Variants in THSD7B observed in about 807,000 individuals in gnomAD.
The protein encoded by THSD7B is thrombospondin type-1 domain-containing protein 7B.
A neutral mutation model predicts 213.6 loss-of-function variants in THSD7B; 138 were observed. The observed-to-expected ratio is 0.65, with a 90% CI of 0.56 to 0.74. The LOEUF (loss-of-function observed/expected upper bound fraction) is 0.74, where lower values mean the gene tolerates loss of function less well. Ranked by LOEUF, THSD7B falls within the 30% of genes least tolerant of loss-of-function variation. The pLI, the probability that THSD7B is intolerant of heterozygous loss-of-function variation, is 0.00. For missense variants in THSD7B, 1,931 were observed against 1,991.5 expected, an observed-to-expected ratio of 0.97 and a Z score of 0.58; for synonymous variants, 742 against 687.0, an observed-to-expected ratio of 1.08 and a Z score of -1.25.
At chr2:137,654,711 A>T (rs1683203213) in intron 21 of THSD7B, among the ~76,000 whole-genome samples, 4 of 152,112 alleles carry the variant, frequency 2.6e-5, no homozygotes, top group Admixed American at 2.6e-4. Context: ...GAGCTCTGAG[A>T]TATGGCTGAT....
intron 3 of THSD7B, among the ~76,000 whole-genome samples, chr2:137,066,497 T>A (rs1408024963): frequency 6.6e-6 from 1 of 152,022 alleles, no homozygotes; most frequent in South Asian, 2.1e-4. Context: ...ACTGGCTAGG[T>A]TTTTGCTTTC....
chr2:137,290,317 C>A (rs965178958), intron 12 of THSD7B, among the ~76,000 whole-genome samples: 2 of 152,040 alleles, frequency 1.3e-5, no homozygotes, highest in Admixed American at 1.3e-4. Flanking sequence ...TCTCGATCTC[C>A]TGACCTCGTG....
intron 7 of THSD7B, among the ~76,000 whole-genome samples, chr2:137,220,246 A>G (rs1298407347): frequency 1.6e-4 from 4 of 25,576 alleles, no homozygotes; most frequent in African/African-American, 5.0e-4. Flanking sequence ...GAAAATGGAA[A>G]AAAAAAAGAC....
intron 12 of THSD7B, among the ~76,000 whole-genome samples, chr2:137,392,781 A>G (rs1408606262): frequency 6.6e-6 from 1 of 152,160 alleles, no homozygotes; most frequent in East Asian, 1.9e-4. Context: ...ATCTATTTAC[A>G]TTCAAGTTAA....
chr2:137,558,242 C>T (rs1681026163), intron 15 of THSD7B, among the ~76,000 whole-genome samples: 1 of 152,128 alleles, frequency 6.6e-6, no homozygotes, highest in Admixed American at 6.5e-5. Flanking sequence ...ATACCAAAGC[C>T]TGGCAGAGAC....
At chr2:137,541,247 G>A (rs1312764768) in intron 15 of THSD7B, among the ~76,000 whole-genome samples, 2 of 151,262 alleles carry the variant, frequency 1.3e-5, no homozygotes, top group East Asian at 2.0e-4. Flanking sequence ...TGATTTCCAG[G>A]ACTGCCATAT....
intron 1 of THSD7B, among the ~76,000 whole-genome samples, chr2:136,819,801 T>A (rs1682541029): frequency 6.6e-6 from 1 of 151,386 alleles, no homozygotes; most frequent in Non-Finnish European, 1.5e-5. Flanking sequence ...GTAGGGAGTT[T>A]TCTTCTTGGG....
chr2:137,307,356 G>A (rs1683776349), intron 12 of THSD7B, among the ~76,000 whole-genome samples: 1 of 152,062 alleles, frequency 6.6e-6, no homozygotes, highest in Non-Finnish European at 1.5e-5. Context: ...CCCAGAATGA[G>A]AGGGGACATT....
At chr2:136,818,260 A>C (rs1413720425) in intron 1 of THSD7B, among the ~76,000 whole-genome samples, 1 of 143,756 alleles carries the variant, frequency 7.0e-6, no homozygotes, top group Admixed American at 7.1e-5. Context: ...ACATGGATGA[A>C]ATTGGAAATC....
At chr2:136,883,733 G>A (rs1683665760) in intron 2 of THSD7B, among the ~76,000 whole-genome samples, 1 of 152,134 alleles carries the variant, frequency 6.6e-6, no homozygotes, top group African/African-American at 2.4e-5. Context: ...GTAGGTCATT[G>A]GAACAAGATG....
At chr2:137,010,309 A>C (rs893211912) in intron 2 of THSD7B, among the ~76,000 whole-genome samples, 24 of 152,218 alleles carry the variant, frequency 1.6e-4, no homozygotes, top group African/African-American at 5.8e-4. Context: ...CACTATATTA[A>C]TCTTCATATC....
At chr2:136,846,845 T>G (rs1196751396) in intron 1 of THSD7B, among the ~76,000 whole-genome samples, 1 of 152,158 alleles carries the variant, frequency 6.6e-6, no homozygotes, top group Admixed American at 6.6e-5. Context: ...TTCCTAGGAC[T>G]CTATTGATAT....
chr2:137,231,298 T>A (rs775217428), intron 8 of THSD7B, 63 bp downstream of exon 8: 2 of 1,473,634 alleles, frequency 1.4e-6, no homozygotes, highest in East Asian at 2.5e-5. Flanking sequence ...TTTTTCCTCA[T>A]TGGTGATAGA....
intron 15 of THSD7B, among the ~76,000 whole-genome samples, chr2:137,531,321 G>T (rs1338502963): frequency 6.6e-6 from 1 of 151,874 alleles, no homozygotes; most frequent in Non-Finnish European, 1.5e-5. Context: ...CTGAATTCAA[G>T]AAAATATTCT....
chr2:137,332,793 G>A (rs961635458), intron 12 of THSD7B, among the ~76,000 whole-genome samples: 1 of 152,074 alleles, frequency 6.6e-6, no homozygotes, highest in Non-Finnish European at 1.5e-5. Flanking sequence ...TTCTCCCTTC[G>A]CTCAGCTCTG....
intron 5 of THSD7B, among the ~76,000 whole-genome samples, chr2:137,151,806 T>G (rs942413365): frequency 1.3e-5 from 2 of 152,196 alleles, no homozygotes; most frequent in African/African-American, 4.8e-5. Context: ...ATGCATTGAT[T>G]GCACTATGAC....
intron 3 of THSD7B, among the ~76,000 whole-genome samples, chr2:137,072,040 G>A (rs1209185189): frequency 2.0e-5 from 3 of 152,164 alleles, no homozygotes; most frequent in South Asian, 2.1e-4. Context: ...GTCAGGTAGC[G>A]TGATGCCTCC....
At chr2:137,350,308 G>A (rs1200254791) in intron 12 of THSD7B, among the ~76,000 whole-genome samples, 1 of 151,882 alleles carries the variant, frequency 6.6e-6, no homozygotes, top group African/African-American at 2.4e-5. Flanking sequence ...AGCCAAGACT[G>A]GATGAAGGGA....
chr2:136,947,670 C>G (rs778277922), intron 2 of THSD7B, among the ~76,000 whole-genome samples: 6 of 152,222 alleles, frequency 3.9e-5, no homozygotes, highest in Admixed American at 6.5e-5. Context: ...GGTGACGGCA[C>G]ATGGGAGGAT....
Sources: allele counts gnomAD v4.1 joint callset (sites outside exome capture counted in the v4.1 genomes callset), GRCh38; gene constraint gnomAD v4.1.1; transcripts MANE v1.5; gene names NCBI Gene and HGNC (gene_info 2026-07-23, HGNC 2026-07-21).